The following FAM184B variants were observed in gnomAD, a reference collection of about 807,000 sequenced individuals.
The protein encoded by FAM184B is protein FAM184B.
FAM184B carries 111 observed loss-of-function variants against 135.9 expected under a neutral mutation model. That is an observed-to-expected ratio of 0.82 (90% confidence interval 0.70 to 0.96). The LOEUF is 0.96. FAM184B is among the 40% of genes least tolerant of loss of function. The pLI, the probability that FAM184B is intolerant of heterozygous loss-of-function variation, is 0.00. For synonymous variants in FAM184B, 552 were observed against 524.8 expected (o/e 1.05, Z -0.71); for missense variants, 1,375 against 1,323.9 (o/e 1.04, Z -0.60).
In FAM184B at chr4:17,709,305, T is replaced by G; in HGVS notation, c.481A>C (p.Arg161=). The stretch of plus-strand genomic sequence containing the variant: ...TCGTGGCTCGTCAGGTGCTGGAGCC[T>G]CCTCTCGTAGTCAGCCTTGAGCTCC... The part of the protein sequence containing the change: ...MLELKADYER[R]LQHLTSHEAT... Residue 161 remains arginine, a synonymous_variant, in exon 2 of 18, where the codon AGG becomes CGG. Transcript: ENST00000265018. 1 of 1,549,572 alleles carries G rather than the reference T, an allele frequency of 6.5e-7. No homozygotes were observed. Among genetic ancestry groups the G allele is most frequent in the East Asian group, 2.4e-5 (1 of 40,870 alleles).
intron 7 of FAM184B, among the ~76,000 whole-genome samples, chr4:17,678,322 G>A (rs1336277400): frequency 6.6e-6 from 1 of 152,144 alleles, no homozygotes; most frequent in Non-Finnish European, 1.5e-5. Context: ...ATTCAGCAAA[G>A]TTTCAGGATA....
At chr4:17,712,200 T>C (rs1033725236) in intron 1 of FAM184B, among the ~76,000 whole-genome samples, 1 of 152,068 alleles carries the variant, frequency 6.6e-6, no homozygotes, top group Admixed American at 6.5e-5. Context: ...TGCAGCAAGA[T>C]GGAAAGATGG....
chr4:17,674,192 A>G (rs1716258888), intron 7 of FAM184B, among the ~76,000 whole-genome samples: 1 of 152,140 alleles, frequency 6.6e-6, no homozygotes, highest in South Asian at 2.1e-4. Context: ...GTTAAAAGAC[A>G]AAAGTATTAA....
intron 6 of FAM184B, among the ~76,000 whole-genome samples, chr4:17,690,642 A>T (rs561037323): frequency 3.6e-4 from 55 of 152,284 alleles, no homozygotes; most frequent in South Asian, 6.2e-4. Context: ...AGAGAAAGAG[A>T]TATTTCAAGA....
intron 1 of FAM184B, among the ~76,000 whole-genome samples, chr4:17,721,383 C>CAAAAAAAAATAAA (rs1717523430): frequency 2.1e-5 from 1 of 47,384 alleles, no homozygotes; most frequent in African/African-American, 8.0e-5. Context: ...GATTCTGTCT[C>CAAAAAAAAATAAA]AAAAAAAAAA....
At chr4:17,671,143 A>T (rs1301654975) in intron 7 of FAM184B, among the ~76,000 whole-genome samples, 1 of 152,092 alleles carries the variant, frequency 6.6e-6, no homozygotes, top group Non-Finnish European at 1.5e-5. Context: ...AGACTCACTA[A>T]AGCTGGTAGG....
intron 12 of FAM184B, among the ~76,000 whole-genome samples, chr4:17,644,770 A>G (rs1049539802): frequency 4.6e-5 from 7 of 152,216 alleles, no homozygotes; most frequent in African/African-American, 7.2e-5. Context: ...GGGGTATTCA[A>G]TTAGGAAAAG....
At chr4:17,694,452 G>A (rs1006176239) in intron 5 of FAM184B, among the ~76,000 whole-genome samples, 1 of 152,060 alleles carries the variant, frequency 6.6e-6, no homozygotes, top group Non-Finnish European at 1.5e-5. Context: ...GAACCCAGGA[G>A]GGGGAGCTTG....
At chr4:17,637,133 T>G (rs1475933140) in intron 14 of FAM184B, among the ~76,000 whole-genome samples, 2 of 152,078 alleles carry the variant, frequency 1.3e-5, no homozygotes, top group African/African-American at 4.8e-5. Flanking sequence ...TTCAAGCGAT[T>G]CTTGTGCCTC....
At position 17,708,963 on chromosome 4, in the gene FAM184B, C is replaced by T. The variant is rs61746992; in HGVS notation, c.823G>A (p.Asp275Asn). ...LQAQVRKLEG[D>N]LEHRGRKISD... is the part of the protein sequence containing the mutation. ...ATCTTGCGGCCTCTGTGCTCCAGGT[C>T]TCCTTCCAGCTTCCGGACCTGAGCC... is the stretch of plus-strand genomic sequence containing the variant. The change falls in exon 2 of 18, where the codon GAC becomes AAC. Residue 275 changes from aspartate (D) to asparagine (N), a missense_variant. Coordinates refer to ENST00000265018, the MANE Select transcript of FAM184B (RefSeq NM_015688.2). 4 of 1,550,274 alleles carry T rather than the reference C, an allele frequency of 2.6e-6. No individual in the cohort carries two copies. Among genetic ancestry groups the T allele is most frequent in the Non-Finnish European group, 2.6e-6 (3 of 1,146,602 alleles).
intron 6 of FAM184B, among the ~76,000 whole-genome samples, chr4:17,693,041 C>T (rs1716771467): frequency 6.6e-6 from 1 of 151,898 alleles, no homozygotes; most frequent in African/African-American, 2.4e-5. Context: ...AGGCTACCCA[C>T]TTGTGCCTTC....
At chr4:17,658,221 T>C (rs1171108115) in intron 10 of FAM184B, 129 bp downstream of exon 10, 3 of 886,980 alleles carry the variant, frequency 3.4e-6, no homozygotes, top group Non-Finnish European at 5.2e-6. Flanking sequence ...AAAAAGGGAA[T>C]ACAATAATAA....
chr4:17,661,643 C>A (rs1381035951), intron 8 of FAM184B, among the ~76,000 whole-genome samples: 3 of 152,198 alleles, frequency 2.0e-5, no homozygotes, highest in Non-Finnish European at 4.4e-5. Flanking sequence ...ATCCTCAAGT[C>A]TTTCAAAGGT....
chr4:17,689,204 A>G (rs1716666156), intron 6 of FAM184B, among the ~76,000 whole-genome samples: 1 of 152,234 alleles, frequency 6.6e-6, no homozygotes, highest in Non-Finnish European at 1.5e-5. Context: ...AATGAACAAC[A>G]TTTAAGAATT....
chr4:17,680,350 A>C (rs1246421021), intron 7 of FAM184B, among the ~76,000 whole-genome samples: 1 of 152,180 alleles, frequency 6.6e-6, no homozygotes, highest in Non-Finnish European at 1.5e-5. Context: ...AATATATAAT[A>C]GTTCTCTCTT....
chr4:17,698,739 T>C (rs1201488258), intron 5 of FAM184B, among the ~76,000 whole-genome samples: 3 of 152,060 alleles, frequency 2.0e-5, no homozygotes, highest in African/African-American at 7.2e-5. Context: ...ATCTGGAAAA[T>C]TGAAAATGTT....
intron 1 of FAM184B, among the ~76,000 whole-genome samples, chr4:17,761,018 G>A (rs1222811647): frequency 1.3e-5 from 2 of 152,182 alleles, no homozygotes; most frequent in African/African-American, 2.4e-5. Context: ...TGGCAATGTC[G>A]GAGACATTTT....
chr4:17,776,953 C>T (rs1010341814), intron 1 of FAM184B, among the ~76,000 whole-genome samples: 2 of 152,046 alleles, frequency 1.3e-5, no homozygotes, highest in African/African-American at 4.8e-5. Context: ...ACAGTCACTT[C>T]GCAAAACAAT....
intron 6 of FAM184B, among the ~76,000 whole-genome samples, chr4:17,692,158 T>G (rs1716751711): frequency 1.3e-5 from 2 of 151,610 alleles, no homozygotes; most frequent in South Asian, 4.2e-4. Context: ...TGGCAGTGTA[T>G]CTTCAACAGG....
Sources: gnomAD v4.1 joint callset for allele counts (sites outside exome capture counted in the v4.1 genomes callset) on GRCh38, gnomAD v4.1.1 for gene constraint, MANE v1.5 for transcripts, NCBI Gene and HGNC (gene_info 2026-07-23, HGNC 2026-07-21) for gene names.